Variants in HMCN1 observed in about 807,000 individuals in gnomAD.
HMCN1 encodes hemicentin-1.
In HMCN1, 321 loss-of-function variants were observed where a neutral mutation model predicts 625.9. That is an observed-to-expected ratio of 0.51 (90% confidence interval 0.47 to 0.56). The LOEUF (loss-of-function observed/expected upper bound fraction) is 0.56. Ranked by LOEUF, HMCN1 falls within the 20% of genes least tolerant of loss-of-function variation. HMCN1 has a pLI of 0.00. For missense variants in HMCN1, 6,588 were observed against 6,887.3 expected (o/e 0.96, Z 1.54); for synonymous variants, 2,425 against 2,417.6 (o/e 1.00, Z -0.09).
chr1:186,009,063 A>C (rs1383432731), intron 30 of HMCN1, among the ~76,000 whole-genome samples: 2 of 152,230 alleles, frequency 1.3e-5, no homozygotes, highest in Admixed American at 6.5e-5. Context: ...CTATACAAGC[A>C]TCCAAGTTAA....
chr1:186,153,207 G>A (rs544781768), intron 96 of HMCN1, among the ~76,000 whole-genome samples: 1 of 152,164 alleles, frequency 6.6e-6, no homozygotes, highest in South Asian at 2.1e-4. Flanking sequence ...GATAACAATC[G>A]CCCTTTCACA....
chr1:185,965,132 T>C (rs186038059), intron 13 of HMCN1, among the ~76,000 whole-genome samples: 184 of 152,170 alleles, frequency 1.2e-3, no homozygotes, highest in African/African-American at 4.0e-3. Context: ...TAAGAGAAAA[T>C]GTTTAAGTAA....
At chr1:185,804,318 A>G (rs1659023855) in intron 1 of HMCN1, among the ~76,000 whole-genome samples, 1 of 152,100 alleles carries the variant, frequency 6.6e-6, no homozygotes, top group African/African-American at 2.4e-5. Context: ...TGCTTTGCAC[A>G]TTATAACTGC....
At chr1:185,780,310 T>A (rs897026892) in intron 1 of HMCN1, among the ~76,000 whole-genome samples, 1 of 152,212 alleles carries the variant, frequency 6.6e-6, no homozygotes, top group Non-Finnish European at 1.5e-5. Context: ...CAATTTGACT[T>A]CCTCTTTTCC....
intron 1 of HMCN1, among the ~76,000 whole-genome samples, chr1:185,828,945 A>G (rs1660688902): frequency 6.6e-6 from 1 of 152,142 alleles, no homozygotes; most frequent in Admixed American, 6.5e-5. Flanking sequence ...AACCTATGCA[A>G]AGCAAAATGA....
intron 24 of HMCN1, 152 bp from the exon 25 acceptor site, chr1:185,997,277 G>C (rs1652855542): frequency 1.5e-6 from 1 of 679,854 alleles, no homozygotes; most frequent in Non-Finnish European, 2.7e-6. Context: ...TGACGTCTAG[G>C]TAGAAATGTT....
intron 18 of HMCN1, among the ~76,000 whole-genome samples, chr1:185,983,436 A>G (rs1217340348): frequency 6.6e-6 from 1 of 152,220 alleles, no homozygotes; most frequent in Non-Finnish European, 1.5e-5. Context: ...AAAAAAAATA[A>G]AAAATAAAAA....
At chr1:185,876,940 T>C (rs1012825566) in intron 4 of HMCN1, among the ~76,000 whole-genome samples, 1 of 152,052 alleles carries the variant, frequency 6.6e-6, no homozygotes. Context: ...ATTTTTGGAT[T>C]TTTACATTTG....
Position 186,082,933 on chromosome 1 carries a change from C to CA in HMCN1, c.8862dup (p.Tyr2955IlefsTer3). 1.3e-6 allele frequency: 2 copies of CA among 1,592,340 alleles called. No individual in the cohort carries two copies. Among genetic ancestry groups the CA allele is most frequent in the East Asian group, 2.3e-5 (1 of 43,988 alleles). ...TTGCTGAGAACACAGCTGGGAGTGCCAAAAAATATTTTAACCTCAATGTTC... is the reference window on the plus strand; with the variant it reads ...TTGCTGAGAACACAGCTGGGAGTGCCAAAAAAATATTTTAACCTCAATGTTC... On this transcript the variant is annotated frameshift_variant, in exon 57 of 107. Transcript: ENST00000271588. LOFTEE classifies it high-confidence loss of function.
At position 185,734,766 on chromosome 1, in the gene HMCN1, G is replaced by T. The variant is rs1298094622; in HGVS notation, c.-14G>T. 1 of 1,613,770 alleles carries T rather than the reference G, an allele frequency of 6.2e-7. No homozygotes were observed. The highest frequency in any genetic ancestry group is 1.1e-5 in the South Asian group (1 of 91,068). On this transcript the variant is annotated 5_prime_UTR_variant, in exon 1 of 107. Transcript: ENST00000271588. ...TAGGCGCTGAGGGGGAAAAAGAGGG[G>T]GAAAAAAAAGAAAATGATTTCCTGG...
rs1032310756 is a variant in HMCN1 at position 186,057,475 on chromosome 1, C to T, written c.7312+74C>T. 16 of 1,073,510 alleles carry T rather than the reference C, an allele frequency of 1.5e-5. No homozygotes were observed. In the African/African-American group the frequency reaches 2.0e-4, roughly 14 times the overall value. The allele number at this position is 1,073,510 out of a possible 1,614,324, so 66.5% of individuals were successfully genotyped here. On this transcript the variant is annotated intron_variant, in intron 46 of 106. Transcript: ENST00000271588. ...ACAATTTCTCCTTAATTTCAAATTG[C>T]TCAGTGTTTTTATTGTTTTATTTTT...
intron 1 of HMCN1, among the ~76,000 whole-genome samples, chr1:185,778,309 C>T (rs1280057819): frequency 6.6e-6 from 1 of 151,924 alleles, no homozygotes; most frequent in East Asian, 1.9e-4. Context: ...GAAGGCTTCC[C>T]ATTCCCTCGG....
At chr1:185,923,714 A>G (rs992480053) in intron 8 of HMCN1, 61 bp downstream of exon 8, 5 of 1,346,324 alleles carry the variant, frequency 3.7e-6, no homozygotes, top group Admixed American at 3.4e-5. Flanking sequence ...ATGTTGTCCC[A>G]TAGGTAAATA....
intron 36 of HMCN1, among the ~76,000 whole-genome samples, chr1:186,026,507 A>G (rs532878048): frequency 1.3e-5 from 2 of 152,236 alleles, no homozygotes; most frequent in African/African-American, 2.4e-5. Context: ...AGTATTGCAT[A>G]CAATTCTTGT....
At position 186,138,399 on chromosome 1, in the gene HMCN1, T is replaced by C. The variant is rs1474217954; in HGVS notation, c.13924+427T>C. Among the ~76,000 whole-genome samples the C allele has an allele frequency of 2.0e-5, 3 of 152,186 alleles. No individual in the cohort carries two copies. In the East Asian group the frequency reaches 5.8e-4, roughly 29 times the overall value. On this transcript the variant is annotated intron_variant, in intron 89 of 106. Coordinates refer to ENST00000271588, the MANE Select transcript of HMCN1 (RefSeq NM_031935.3). ...CATTCACTAAATACTTGCCACATAA[T>C]AGGAACCATGCTAGGTGCTTTATAT... is the stretch of plus-strand genomic sequence containing the variant.
At chr1:186,097,182 A>G (rs921549873) in intron 68 of HMCN1, among the ~76,000 whole-genome samples, 3 of 152,204 alleles carry the variant, frequency 2.0e-5, no homozygotes, top group Admixed American at 6.5e-5. Flanking sequence ...CAAATTCAGT[A>G]AAGTTGTGAC....
At chr1:185,754,032 G>A (rs1487365637) in intron 1 of HMCN1, among the ~76,000 whole-genome samples, 1 of 152,116 alleles carries the variant, frequency 6.6e-6, no homozygotes, top group Admixed American at 6.5e-5. Flanking sequence ...ATCCATGGAT[G>A]GATGAATGGA....
chr1:186,099,927 A>C (rs1660308858), intron 68 of HMCN1, among the ~76,000 whole-genome samples: 1 of 152,172 alleles, frequency 6.6e-6, no homozygotes, highest in Non-Finnish European at 1.5e-5. Context: ...AAGAATCTTA[A>C]GGAGAAATAT....
intron 52 of HMCN1, among the ~76,000 whole-genome samples, chr1:186,071,216 A>G (rs1315110093): frequency 6.6e-6 from 1 of 152,180 alleles, no homozygotes; most frequent in Admixed American, 6.6e-5. Context: ...TGGGTACTAA[A>G]TTTACTAAAG....
Sources: gnomAD v4.1 joint callset for allele counts (sites outside exome capture counted in the v4.1 genomes callset) on GRCh38, gnomAD v4.1.1 for gene constraint, MANE v1.5 for transcripts, NCBI Gene and HGNC (gene_info 2026-07-23, HGNC 2026-07-21) for gene names.